SLCO1B1: variants seen among roughly 807,000 people sequenced by gnomAD.
The protein encoded by SLCO1B1 is solute carrier organic anion transporter family member 1B1, also known as OATP-2.
A neutral mutation model predicts 70.1 loss-of-function variants in SLCO1B1; 81 were observed. The ratio of observed to expected loss-of-function variants is 1.16; its 90% confidence interval spans 0.97 to 1.39. SLCO1B1 has a LOEUF of 1.39. Ranked by LOEUF, SLCO1B1 falls within the 40% of genes most tolerant of loss-of-function variation. The probability of loss-of-function intolerance (pLI) is 0.00; values close to 1 mark genes in which losing one functional copy is unlikely to be tolerated. For missense variants in SLCO1B1, 895 were observed against 799.6 expected (o/e 1.12, Z -1.44); for synonymous variants, 283 against 271.5 (o/e 1.04, Z -0.42).
At chr12:21,179,815 C>T (rs1297929143) in intron 7 of SLCO1B1, among the ~76,000 whole-genome samples, 2 of 152,088 alleles carry the variant, frequency 1.3e-5, no homozygotes, top group East Asian at 3.9e-4. Flanking sequence ...ATTCAGCAAA[C>T]ACACCCAAGT....
chr12:21,136,832 GT>G (rs1441066691), intron 1 of SLCO1B1, among the ~76,000 whole-genome samples: 2 of 152,142 alleles, frequency 1.3e-5, no homozygotes, highest in East Asian at 1.9e-4. Flanking sequence ...CTCTCAACTT[GT>G]CAAAGTCATT....
At chr12:21,184,693 A>C (rs776122473) in intron 7 of SLCO1B1, among the ~76,000 whole-genome samples, 2 of 152,154 alleles carry the variant, frequency 1.3e-5, no homozygotes, top group Non-Finnish European at 2.9e-5. Context: ...CACATAAAGC[A>C]ACTATACAAC....
rs1321891609 is a variant in SLCO1B1, at chr12:21,209,973, G to A, written c.1497+3940G>A. 4.6e-5 allele frequency among the ~76,000 whole-genome samples: 7 copies of A among 152,074 alleles called. No homozygotes were observed. The South Asian group carries it at 1.2e-3, about 27-fold the overall frequency. On this transcript the variant is annotated intron_variant, in intron 11 of 14. Coordinates refer to ENST00000256958, the MANE Select transcript of SLCO1B1 (RefSeq NM_006446.5). ...TCTGGATATTAGCCCTTTGTCAGAT[G>A]AGTAGGTTGTGAAAATTTTCTCCCA...
intron 2 of SLCO1B1, among the ~76,000 whole-genome samples, chr12:21,169,184 A>G (rs536595700): frequency 4.6e-5 from 7 of 152,086 alleles, no homozygotes; most frequent in African/African-American, 1.4e-4. Flanking sequence ...TTTGTGTGTA[A>G]CTTTTGACAG....
At chr12:21,221,821 A>G (rs1941426616) in intron 12 of SLCO1B1, among the ~76,000 whole-genome samples, 1 of 152,162 alleles carries the variant, frequency 6.6e-6, no homozygotes, top group Admixed American at 6.5e-5. Flanking sequence ...ATAAATTAGT[A>G]CAACCTTTAT....
intron 4 of SLCO1B1, among the ~76,000 whole-genome samples, chr12:21,176,296 C>T (rs1230878618): frequency 6.6e-6 from 1 of 151,948 alleles, no homozygotes; most frequent in Non-Finnish European, 1.5e-5. Context: ...TCTGTTATTC[C>T]TATCAAGTTT....
chr12:21,214,101 G>T, intron 11 of SLCO1B1, among the ~76,000 whole-genome samples: 1 of 152,210 alleles, frequency 6.6e-6, no homozygotes, highest in East Asian at 1.9e-4. Flanking sequence ...TCCATTGCTG[G>T]TGAGGAACTG....
At chr12:21,225,925 A>G (rs1941477394) in intron 14 of SLCO1B1, among the ~76,000 whole-genome samples, 2 of 152,208 alleles carry the variant, frequency 1.3e-5, no homozygotes. Context: ...TGAAAACATG[A>G]CCCCACAAAA....
intron 13 of SLCO1B1, among the ~76,000 whole-genome samples, chr12:21,222,915 A>G (rs1044706509): frequency 7.9e-5 from 12 of 152,136 alleles, no homozygotes; most frequent in Non-Finnish European, 1.8e-4. Flanking sequence ...CTCAAAGTTA[A>G]AAAAGAAGAA....
At chr12:21,190,725 G>T (rs1241188641) in intron 7 of SLCO1B1, among the ~76,000 whole-genome samples, 1 of 151,762 alleles carries the variant, frequency 6.6e-6, no homozygotes, top group East Asian at 1.9e-4. Flanking sequence ...GTATGTCTTT[G>T]TATCTTCATG....
intron 7 of SLCO1B1, among the ~76,000 whole-genome samples, chr12:21,189,680 C>A (rs2121127038): frequency 6.6e-6 from 1 of 152,226 alleles, no homozygotes; most frequent in Middle Eastern, 3.4e-3. Flanking sequence ...CTCCTGACCT[C>A]AGGTGATCCA....
intron 7 of SLCO1B1, 56 bp downstream of exon 7, chr12:21,179,076 A>T (rs561978841): frequency 3.6e-6 from 4 of 1,096,780 alleles, no homozygotes; most frequent in South Asian, 1.2e-5. Context: ...ACACATGCGA[A>T]AAACATTTTT....
intron 11 of SLCO1B1, among the ~76,000 whole-genome samples, chr12:21,209,239 T>C (rs1341818279): frequency 2.3e-4 from 35 of 151,250 alleles, no homozygotes; most frequent in African/African-American, 8.0e-4. Context: ...CCCCAGAGTG[T>C]GATATTCCCC....
intron 12 of SLCO1B1, among the ~76,000 whole-genome samples, chr12:21,217,715 T>C (rs1159936476): frequency 6.6e-6 from 1 of 152,176 alleles, no homozygotes; most frequent in Non-Finnish European, 1.5e-5. Flanking sequence ...TAAAATATGC[T>C]CCATTTGATA....
chr12:21,214,431 A>G (rs1941331130), intron 11 of SLCO1B1, among the ~76,000 whole-genome samples: 1 of 147,096 alleles, frequency 6.8e-6, no homozygotes, highest in African/African-American at 2.6e-5. Context: ...TCAGATCTCC[A>G]GCTGCGTGCC....
chr12:21,161,670 T>G (rs138700891), intron 2 of SLCO1B1, among the ~76,000 whole-genome samples: 2 of 151,832 alleles, frequency 1.3e-5, no homozygotes, highest in African/African-American at 4.8e-5. Flanking sequence ...AACATAAAAG[T>G]TAGAAAGAAA....
At chr12:21,133,762 A>G (rs573932091) in intron 1 of SLCO1B1, among the ~76,000 whole-genome samples, 34 of 152,294 alleles carry the variant, frequency 2.2e-4, no homozygotes, top group African/African-American at 6.0e-4. Context: ...TAGATATACA[A>G]TCATGTGATC....
chr12:21,167,675 A>G (rs1940703177), intron 2 of SLCO1B1, among the ~76,000 whole-genome samples: 1 of 152,076 alleles, frequency 6.6e-6, no homozygotes, highest in South Asian at 2.1e-4. Flanking sequence ...TGAACAACAG[A>G]TCTCTTGAAC....
At chr12:21,204,359 AT>A (rs1941189722) in intron 10 of SLCO1B1, among the ~76,000 whole-genome samples, 1 of 151,942 alleles carries the variant, frequency 6.6e-6, no homozygotes, top group Non-Finnish European at 1.5e-5. Context: ...CTGCTAAAAT[AT>A]GTGTGCTTAT....
Sources: allele counts gnomAD v4.1 joint callset (sites outside exome capture counted in the v4.1 genomes callset), GRCh38; gene constraint gnomAD v4.1.1; transcripts MANE v1.5; gene names NCBI Gene and HGNC (gene_info 2026-07-23, HGNC 2026-07-21).